Variants in HPSE2 observed in about 807,000 individuals in gnomAD.
HPSE2 encodes heparanase 2 (inactive), also known as inactive heparanase-2.
A neutral mutation model predicts 60.5 loss-of-function variants in HPSE2; 38 were observed. The ratio of observed to expected loss-of-function variants is 0.63; its 90% CI spans 0.48 to 0.82. HPSE2 has a LOEUF of 0.82. HPSE2 is among the 40% of genes least tolerant of loss of function. The pLI is 0.00. For missense variants in HPSE2, 713 were observed against 740.4 expected (o/e 0.96, Z 0.43); for synonymous variants, 295 against 293.2 (o/e 1.01, Z -0.06).
At chr10:98,658,616 G>A (rs1947140678) in intron 6 of HPSE2, among the ~76,000 whole-genome samples, 1 of 151,726 alleles carries the variant, frequency 6.6e-6, no homozygotes, top group African/African-American at 2.4e-5. Flanking sequence ...CTACCCTAAG[G>A]TCATAAGAGT....
At chr10:98,571,797 T>C (rs1187736808) in intron 9 of HPSE2, among the ~76,000 whole-genome samples, 2 of 152,200 alleles carry the variant, frequency 1.3e-5, no homozygotes, top group African/African-American at 4.8e-5. Context: ...AGGGAGGGTC[T>C]TTCAGCCCAG....
At position 98,893,231 on chromosome 10, in the gene HPSE2, C is replaced by T. The variant is rs999122910; in HGVS notation, c.611-149175G>A. Among the ~76,000 whole-genome samples, 9 of 151,960 alleles carry T rather than the reference C, an allele frequency of 5.9e-5. No homozygotes were observed. In the South Asian group the frequency reaches 6.2e-4, roughly 10 times the overall value. On this transcript the variant is annotated intron_variant, in intron 3 of 11. Coordinates refer to ENST00000370552, the MANE Select transcript of HPSE2 (RefSeq NM_021828.5). ...TACAGGCATGCACTACCACACCTGG[C>T]TAATTTTGTATTTTTAGTAGAGACA...
At chr10:98,756,092 A>G (rs1018790411) in intron 3 of HPSE2, among the ~76,000 whole-genome samples, 2 of 152,250 alleles carry the variant, frequency 1.3e-5, no homozygotes, top group Admixed American at 1.3e-4. Flanking sequence ...TAAGCAATGA[A>G]ATTAAGGCAG....
chr10:99,177,266 A>G (rs755044673), intron 2 of HPSE2, among the ~76,000 whole-genome samples: 1 of 152,222 alleles, frequency 6.6e-6, no homozygotes, highest in Non-Finnish European at 1.5e-5. Context: ...AAATTCACAC[A>G]TAACAATATT....
intron 2 of HPSE2, among the ~76,000 whole-genome samples, chr10:99,165,081 C>CAAAAAAAAAAA (rs56263581): frequency 1.5e-5 from 1 of 65,766 alleles, no homozygotes; most frequent in Non-Finnish European, 2.7e-5. Context: ...GACTCGGTCT[C>CAAAAAAAAAAA]AAAAAAAAAA....
At chr10:98,973,861 G>A (rs564532455) in intron 3 of HPSE2, among the ~76,000 whole-genome samples, 1 of 152,008 alleles carries the variant, frequency 6.6e-6, no homozygotes, top group African/African-American at 2.4e-5. Context: ...GAAAAAAAGG[G>A]GGGGGGAGAT....
intron 3 of HPSE2, among the ~76,000 whole-genome samples, chr10:98,793,062 A>G (rs1950693947): frequency 6.6e-6 from 1 of 152,224 alleles, no homozygotes; most frequent in South Asian, 2.1e-4. Flanking sequence ...TTCTAAAAGT[A>G]TGTGAATGGC....
intron 2 of HPSE2, among the ~76,000 whole-genome samples, chr10:99,165,543 A>G (rs528029294): frequency 1.3e-5 from 2 of 149,322 alleles, no homozygotes; most frequent in African/African-American, 4.9e-5. Flanking sequence ...TTATTTATTT[A>G]TTTATTTATT....
chr10:98,566,350 T>C lies in HPSE2; in HGVS notation c.1320+48554A>G, dbSNP rs567597923. 2.0e-4 allele frequency among the ~76,000 whole-genome samples: 30 copies of C among 152,366 alleles called. No individual in the cohort carries two copies. The South Asian group carries it at 4.1e-3, about 21-fold the overall frequency. On this transcript the variant is annotated intron_variant, in intron 9 of 11. Transcript: ENST00000370552. ...GATCTTCTTCGTGGGTATTTCCATT[T>C]TAACTGAGTTGTTTTGGAAAGGCAA...
chr10:98,554,584 C>T (rs1011410055), intron 9 of HPSE2, among the ~76,000 whole-genome samples: 4 of 152,220 alleles, frequency 2.6e-5, no homozygotes, highest in Non-Finnish European at 2.9e-5. Context: ...TGCCTCATGA[C>T]GTTTACTAAA....
chr10:98,565,207 T>C (rs927742788), intron 9 of HPSE2, among the ~76,000 whole-genome samples: 1 of 151,882 alleles, frequency 6.6e-6, no homozygotes, highest in East Asian at 1.9e-4. Context: ...GCGCAGAACA[T>C]GCAGGTTTGC....
chr10:98,571,281 A>T (rs545258850), intron 9 of HPSE2, among the ~76,000 whole-genome samples: 1 of 152,252 alleles, frequency 6.6e-6, no homozygotes, highest in Admixed American at 6.5e-5. Flanking sequence ...AGGCAGGAGT[A>T]TCGCTTGAGG....
rs142966329 is a variant in HPSE2, at chr10:98,594,082, T to G, written c.1320+20822A>C. ...AACATGTTTTGAAATATGTATAATA[T>G]GTATATATTGTGAAACAGCTAAATC... On this transcript the variant is annotated intron_variant, in intron 9 of 11. Coordinates refer to ENST00000370552, the MANE Select transcript of HPSE2 (RefSeq NM_021828.5). Among the ~76,000 whole-genome samples, 474 of 152,304 alleles carry G rather than the reference T, an allele frequency of 3.1e-3. 1 individual carries two copies. Among genetic ancestry groups the G allele is most frequent in the Middle Eastern group, 0.014 (4 of 294 alleles).
At chr10:98,709,092 C>A (rs1948616237) in intron 5 of HPSE2, among the ~76,000 whole-genome samples, 1 of 152,128 alleles carries the variant, frequency 6.6e-6, no homozygotes, top group Non-Finnish European at 1.5e-5. Context: ...TCATTATTTT[C>A]TTTGTTCAAA....
rs11345838 is a variant in HPSE2, at chr10:98,850,736, C to CA, written c.611-106681dup. 4.4e-3 allele frequency among the ~76,000 whole-genome samples: 315 copies of CA among 71,744 alleles called. 1 individual carries two copies. Among genetic ancestry groups the CA allele is most frequent in the Middle Eastern group, 9.1e-3 (1 of 110 alleles). 47.1% of individuals were successfully genotyped at this position (71,744 alleles called of 152,430 possible). On this transcript the variant is annotated intron_variant, in intron 3 of 11. Coordinates refer to ENST00000370552, the MANE Select transcript of HPSE2 (RefSeq NM_021828.5). ...TGGGTGACAGAGTGAGACTCCATCT[C>CA]AAAAAAAAAAAAAAAAAAAAAAGGA... is the stretch of plus-strand genomic sequence containing the variant.
intron 3 of HPSE2, among the ~76,000 whole-genome samples, chr10:99,097,174 C>T (rs749991865): frequency 2.0e-5 from 3 of 152,094 alleles, no homozygotes; most frequent in Non-Finnish European, 4.4e-5. Flanking sequence ...AACACTAATT[C>T]AGAAAAAAGC....
chr10:98,558,564 C>T (rs751722027), intron 9 of HPSE2, among the ~76,000 whole-genome samples: 6 of 152,154 alleles, frequency 3.9e-5, no homozygotes, highest in Non-Finnish European at 8.8e-5. Flanking sequence ...AATTATTCCA[C>T]ATCATTTGCA....
chr10:99,169,803 G>T (rs545424188), intron 2 of HPSE2, among the ~76,000 whole-genome samples: 37 of 152,108 alleles, frequency 2.4e-4, no homozygotes, highest in Non-Finnish European at 4.7e-4. Flanking sequence ...TAGAGCAGGG[G>T]TTAGCACACT....
At chr10:98,521,820 C>T (rs994741326) in intron 9 of HPSE2, among the ~76,000 whole-genome samples, 5 of 152,180 alleles carry the variant, frequency 3.3e-5, no homozygotes, top group Non-Finnish European at 7.3e-5. Flanking sequence ...AGGATGAGTT[C>T]ATGTCCTTTG....
Sources: allele counts gnomAD v4.1 joint callset (sites outside exome capture counted in the v4.1 genomes callset), GRCh38; gene constraint gnomAD v4.1.1; transcripts MANE v1.5; gene names NCBI Gene and HGNC (gene_info 2026-07-23, HGNC 2026-07-21).